TUFT1: variants seen among roughly 807,000 people sequenced by gnomAD.
TUFT1 encodes the protein tuftelin 1, also known as tuftelin.
In TUFT1, 43 loss-of-function variants were observed where a neutral mutation model predicts 57.8. The ratio of observed to expected loss-of-function variants is 0.74; its 90% CI spans 0.58 to 0.96. TUFT1 has a LOEUF of 0.96. Ranked by LOEUF, TUFT1 falls within the 40% of genes least tolerant of loss-of-function variation. The probability of loss-of-function intolerance (pLI) is 0.00; values close to 1 mark genes in which losing one functional copy is unlikely to be tolerated. For synonymous variants in TUFT1, 166 were observed against 176.7 expected, an observed-to-expected ratio of 0.94 and a Z score of 0.48; for missense variants, 459 against 489.0, an observed-to-expected ratio of 0.94 and a Z score of 0.58.
Position 151,574,355 on chromosome 1 carries a change from CAGA to C in TUFT1, c.683_685del (p.Glu228del). The stretch of plus-strand genomic sequence containing the variant: ...GAGGACAGAGTGGAGCAGAAAGAGG[CAGA>C]AGTCGGAGAGCTGCAGAGGCGCTTG... On this transcript the variant is annotated inframe_deletion, in exon 8 of 13. Coordinates refer to ENST00000368849, the MANE Select transcript of TUFT1 (RefSeq NM_020127.3). The C allele has an allele frequency of 6.2e-7, 1 of 1,614,112 alleles. No individual in the cohort carries two copies. Among genetic ancestry groups the C allele is most frequent in the Non-Finnish European group, 8.5e-7 (1 of 1,180,026 alleles).
intron 7 of TUFT1, among the ~76,000 whole-genome samples, chr1:151,570,471 G>A (rs1339576026): frequency 6.6e-6 from 1 of 151,864 alleles, no homozygotes; most frequent in South Asian, 2.1e-4. Flanking sequence ...TAGAAGAGAC[G>A]GGGTTTCACC....
At chr1:151,549,006 C>G (rs1439137871) in intron 1 of TUFT1, among the ~76,000 whole-genome samples, 4 of 152,096 alleles carry the variant, frequency 2.6e-5, no homozygotes, top group East Asian at 1.9e-4. Context: ...GTGTTTACCC[C>G]CTCCCTGCTT....
chr1:151,568,610 G>T (rs530079112), intron 6 of TUFT1, among the ~76,000 whole-genome samples: 1 of 152,326 alleles, frequency 6.6e-6, no homozygotes, highest in East Asian at 1.9e-4. Context: ...CTCAGGTGAG[G>T]ATTTAGGGAA....
chr1:151,575,108 T>A (rs758614849), intron 9 of TUFT1, 103 bp downstream of exon 9: 5 of 1,004,018 alleles, frequency 5.0e-6, no homozygotes, highest in Non-Finnish European at 7.5e-6. Flanking sequence ...GGGAGGAAGC[T>A]GGTGCTGATG....
At chr1:151,553,896 C>A (rs1448325754) in intron 1 of TUFT1, among the ~76,000 whole-genome samples, 1 of 151,968 alleles carries the variant, frequency 6.6e-6, no homozygotes, top group Admixed American at 6.6e-5. Context: ...CTTTCCAGCT[C>A]TTTGATAATG....
intron 1 of TUFT1, among the ~76,000 whole-genome samples, chr1:151,555,308 A>G (rs758218308): frequency 6.8e-5 from 10 of 147,286 alleles, no homozygotes; most frequent in Non-Finnish European, 1.4e-4. Flanking sequence ...CAGCCTGGGT[A>G]ACAGAATGAG....
At chr1:151,575,994 T>C (rs1029173603) in intron 9 of TUFT1, among the ~76,000 whole-genome samples, 1 of 152,120 alleles carries the variant, frequency 6.6e-6, no homozygotes, top group Non-Finnish European at 1.5e-5. Context: ...GGTGGGTAGG[T>C]GCGCATGGGC....
intron 6 of TUFT1, among the ~76,000 whole-genome samples, chr1:151,567,581 T>C (rs140679320): frequency 9.3e-4 from 141 of 152,302 alleles, no homozygotes; most frequent in African/African-American, 3.2e-3. Flanking sequence ...AGTCTCGCTC[T>C]GTCACCCAGG....
rs1378186210 is a variant in TUFT1, at chr1:151,550,586, C to A, written c.60+10160C>A. Among the ~76,000 whole-genome samples the A allele has an allele frequency of 1.6e-4, 25 of 152,058 alleles. 1 individual carries two copies. Among genetic ancestry groups the A allele is most frequent in the Admixed American group, 1.6e-3 (25 of 15,268 alleles). ...TCTCAAACTCCAGACCTCAAGTGATCTGCCTGCCTCGGCCTTCCAAAGTGC... is the reference window on the plus strand; with the variant it reads ...TCTCAAACTCCAGACCTCAAGTGATATGCCTGCCTCGGCCTTCCAAAGTGC... On this transcript the variant is annotated intron_variant, in intron 1 of 12. Coordinates refer to ENST00000368849, the MANE Select transcript of TUFT1 (RefSeq NM_020127.3).
intron 1 of TUFT1, among the ~76,000 whole-genome samples, chr1:151,552,685 C>T (rs1236707533): frequency 9.3e-6 from 1 of 106,998 alleles, no homozygotes; most frequent in African/African-American, 3.7e-5. Context: ...GCCTGGCCGA[C>T]AGAGCGAGAG....
At chr1:151,567,936 C>T (rs967389151) in intron 6 of TUFT1, among the ~76,000 whole-genome samples, 10 of 152,148 alleles carry the variant, frequency 6.6e-5, no homozygotes, top group Non-Finnish European at 1.5e-4. Context: ...TTGGAAAATT[C>T]AGAAACACAG....
In TUFT1 at chr1:151,569,734, C is replaced by G. The variant is rs761021245; in HGVS notation, c.558C>G (p.Ala186=). 1.8e-5 allele frequency: 29 copies of G among 1,613,898 alleles called. No individual in the cohort carries two copies. Among genetic ancestry groups the G allele is most frequent in the Non-Finnish European group, 2.5e-5 (29 of 1,179,956 alleles). The stretch of plus-strand genomic sequence containing the variant: ...ACTTGCTGGCCAAGCTTCAGGAGGC[C>G]AAGCGGCAACACCAGTCAGACTGTG... ...VQDLLAKLQE[A]KRQHQSDCVA... The change falls in exon 7 of 13, where the codon GCC becomes GCG. Residue 186 remains alanine (A), a synonymous_variant. Transcript: ENST00000368849.
chr1:151,566,812 G>A (rs996343248), intron 6 of TUFT1, among the ~76,000 whole-genome samples: 4 of 151,588 alleles, frequency 2.6e-5, no homozygotes, highest in Non-Finnish European at 5.9e-5. Context: ...CTTAACTAAA[G>A]AGTATATTAT....
intron 6 of TUFT1, among the ~76,000 whole-genome samples, chr1:151,566,437 G>T (rs994001951): frequency 1.3e-5 from 2 of 152,180 alleles, no homozygotes; most frequent in African/African-American, 4.8e-5. Flanking sequence ...ACTGTTAACA[G>T]ATTGAAGTGG....
chr1:151,564,783 C>A, intron 5 of TUFT1, 169 bp downstream of exon 5: 1 of 576,138 alleles, frequency 1.7e-6, no homozygotes, highest in Middle Eastern at 4.6e-4. Context: ...GGTTAGGACT[C>A]TCCAGCCGAT....
intron 7 of TUFT1, among the ~76,000 whole-genome samples, chr1:151,573,270 T>G (rs540563285): frequency 3.0e-4 from 46 of 152,112 alleles, no homozygotes; most frequent in Non-Finnish European, 3.7e-4. Context: ...CGTGTGTTCC[T>G]TGTATGTCCT....
At chr1:151,576,900 C>T (rs1423024502) in intron 9 of TUFT1, among the ~76,000 whole-genome samples, 1 of 152,154 alleles carries the variant, frequency 6.6e-6, no homozygotes, top group Non-Finnish European at 1.5e-5. Flanking sequence ...GCTGGGATTA[C>T]AGGCATGAGC....
In TUFT1 at chr1:151,582,146, C is replaced by T. The variant is rs1666664122; in HGVS notation, c.*439C>T. The T allele has an allele frequency of 1.1e-5, 5 of 462,238 alleles. No homozygotes were observed. Among genetic ancestry groups the T allele is most frequent in the Non-Finnish European group, 2.2e-5 (5 of 231,212 alleles). 28.6% of individuals were successfully genotyped at this position (462,238 alleles called of 1,614,324 possible). A position where few individuals can be genotyped will look rare whatever the true frequency, so the allele number is the denominator to read the frequency against. On this transcript the variant is annotated 3_prime_UTR_variant, in exon 13 of 13. Transcript: ENST00000368849. ...ATGTCCTGGGGGAATGAAGTTCCTT[C>T]CACAAACACAGCTCAGTTCTTAGCA...
intron 3 of TUFT1, 93 bp from the exon 4 acceptor site, chr1:151,563,811 A>G (rs1279334530): frequency 5.6e-6 from 6 of 1,065,434 alleles, no homozygotes; most frequent in Non-Finnish European, 7.2e-6. Context: ...GGTGGTAACA[A>G]TTTACCCTCC....
Sources: allele counts gnomAD v4.1 joint callset (sites outside exome capture counted in the v4.1 genomes callset), GRCh38; gene constraint gnomAD v4.1.1; transcripts MANE v1.5; gene names NCBI Gene and HGNC (gene_info 2026-07-23, HGNC 2026-07-21).